Variants in TENM2 observed in about 807,000 individuals in gnomAD.
TENM2 encodes teneurin-2.
TENM2 carries 52 observed loss-of-function variants against 245.2 expected under a neutral mutation model. The observed-to-expected ratio is 0.21, with a 90% CI of 0.17 to 0.27. TENM2 has a LOEUF of 0.27. TENM2 is among the 10% of genes least tolerant of loss of function. TENM2 has a pLI of 1.00. For synonymous variants in TENM2, 1,363 were observed against 1,438.9 expected, an observed-to-expected ratio of 0.95 and a Z score of 1.19; for missense variants, 3,046 against 3,666.8, an observed-to-expected ratio of 0.83 and a Z score of 4.37.
chr5:168,260,020 C>T (rs1172312721), intron 27 of TENM2, among the ~76,000 whole-genome samples: 1 of 152,154 alleles, frequency 6.6e-6, no homozygotes, highest in Non-Finnish European at 1.5e-5. Flanking sequence ...CCAGGGGATT[C>T]GAAGCTAGAT....
intron 2 of TENM2, among the ~76,000 whole-genome samples, chr5:167,604,286 C>T (rs1198779623): frequency 6.6e-6 from 1 of 152,146 alleles, no homozygotes; most frequent in African/African-American, 2.4e-5. Flanking sequence ...ATGAAAACTG[C>T]AGCACGTAAA....
chr5:166,990,031 G>T, the TENM2 span, among the ~76,000 whole-genome samples: 1 of 151,862 alleles, frequency 6.6e-6, no homozygotes, highest in Non-Finnish European at 1.5e-5. Context: ...TGTATAAATA[G>T]ACAAAGAAAG....
At chr5:167,883,637 TTCTGTCCCTGGCTTCTTGGTACATATAAA>T (rs1774056744) in intron 3 of TENM2, among the ~76,000 whole-genome samples, 1 of 152,196 alleles carries the variant, frequency 6.6e-6, no homozygotes, top group Admixed American at 6.5e-5. Flanking sequence ...ACCTCTCCAT[TTCTGTCCCTGGCTTCTTGGTACATATAAA>T]AAGATGTCCT....
intron 2 of TENM2, among the ~76,000 whole-genome samples, chr5:167,863,248 T>A (rs1457813932): frequency 6.6e-6 from 1 of 152,202 alleles, no homozygotes; most frequent in Non-Finnish European, 1.5e-5. Flanking sequence ...CCAGAAATGT[T>A]AGTAAATATT....
At chr5:167,545,665 A>T (rs1296384838) in intron 2 of TENM2, among the ~76,000 whole-genome samples, 1 of 152,216 alleles carries the variant, frequency 6.6e-6, no homozygotes, top group African/African-American at 2.4e-5. Context: ...TTCACATAAG[A>T]TACATGGTTT....
the TENM2 span, among the ~76,000 whole-genome samples, chr5:167,269,876 C>A: frequency 2.6e-5 from 4 of 152,146 alleles, no homozygotes; most frequent in African/African-American, 4.8e-5. Flanking sequence ...TTCTGTATCT[C>A]CACATCCATT....
intron 3 of TENM2, among the ~76,000 whole-genome samples, chr5:167,891,019 A>G (rs996134369): frequency 2.0e-5 from 3 of 152,208 alleles, no homozygotes; most frequent in Non-Finnish European, 4.4e-5. Context: ...GACCATATTT[A>G]GTCTAATGAT....
the TENM2 span, among the ~76,000 whole-genome samples, chr5:167,223,789 TA>T: frequency 6.6e-6 from 1 of 151,934 alleles, no homozygotes; most frequent in South Asian, 2.1e-4. Flanking sequence ...GTGGCTGTAC[TA>T]ATTTACATTC....
chr5:168,212,306 A>C, intron 20 of TENM2, among the ~76,000 whole-genome samples: 1 of 152,210 alleles, frequency 6.6e-6, no homozygotes, highest in Admixed American at 6.5e-5. Flanking sequence ...GAGACCAAGT[A>C]TTCTTTGTCA....
chr5:167,365,184 T>A (rs1305118413), intron 1 of TENM2, among the ~76,000 whole-genome samples: 1 of 152,046 alleles, frequency 6.6e-6, no homozygotes, highest in Non-Finnish European at 1.5e-5. Context: ...TACACACTTC[T>A]AAGTAACCTG....
intron 1 of TENM2, among the ~76,000 whole-genome samples, chr5:167,369,169 A>G (rs766222271): frequency 4.6e-5 from 7 of 152,150 alleles, no homozygotes; most frequent in Admixed American, 2.6e-4. Context: ...GGAACTCACC[A>G]CCATGTAGTT....
intron 2 of TENM2, among the ~76,000 whole-genome samples, chr5:167,868,266 A>G (rs2151325771): frequency 6.6e-6 from 1 of 152,304 alleles, no homozygotes; most frequent in East Asian, 1.9e-4. Context: ...TCCCCTAGGG[A>G]GCAGGATTGC....
intron 3 of TENM2, among the ~76,000 whole-genome samples, chr5:167,917,895 G>C (rs1024460049): frequency 6.6e-6 from 1 of 152,120 alleles, no homozygotes; most frequent in African/African-American, 2.4e-5. Context: ...ACAAAGTATT[G>C]TGTAAAATAA....
intron 4 of TENM2, among the ~76,000 whole-genome samples, chr5:167,983,255 T>C (rs2151974789): frequency 6.6e-6 from 1 of 152,298 alleles, no homozygotes; most frequent in South Asian, 2.1e-4. Flanking sequence ...CCAGGTTTCT[T>C]TAATGACCTC....
At chr5:168,238,640 C>T (rs1316941965) in intron 25 of TENM2, among the ~76,000 whole-genome samples, 3 of 152,182 alleles carry the variant, frequency 2.0e-5, no homozygotes, top group African/African-American at 4.8e-5. Context: ...TTAGAGTCAC[C>T]AGTTATAGGC....
intron 13 of TENM2, among the ~76,000 whole-genome samples, chr5:168,180,320 C>T (rs1001582189): frequency 3.3e-5 from 5 of 152,292 alleles, no homozygotes; most frequent in South Asian, 2.1e-4. Context: ...AGACTCATAA[C>T]GTGTATCCAT....
chr5:167,023,049 C>A, the TENM2 span, among the ~76,000 whole-genome samples: 1 of 152,124 alleles, frequency 6.6e-6, no homozygotes, highest in Non-Finnish European at 1.5e-5. Context: ...ACTAATATGG[C>A]CTCTGGGACT....
intron 2 of TENM2, among the ~76,000 whole-genome samples, chr5:167,687,027 A>G (rs562260832): frequency 2.0e-5 from 3 of 152,264 alleles, no homozygotes; most frequent in Non-Finnish European, 2.9e-5. Flanking sequence ...ACACATTGCC[A>G]AATACTTGTA....
At chr5:167,702,565 T>TATATATATATACATACATATATATATAG (rs1758227589) in intron 2 of TENM2, among the ~76,000 whole-genome samples, 12 of 147,710 alleles carry the variant, frequency 8.1e-5, no homozygotes, top group African/African-American at 2.5e-4. Context: ...TATATATATA[T>TATATATATATACATACATATATATATAG]ATATATACAT....
Sources: allele counts gnomAD v4.1 joint callset (sites outside exome capture counted in the v4.1 genomes callset), GRCh38; gene constraint gnomAD v4.1.1; transcripts MANE v1.5; gene names NCBI Gene and HGNC (gene_info 2026-07-23, HGNC 2026-07-21).